STXBP5L: variants seen among roughly 807,000 people sequenced by gnomAD.
The protein encoded by STXBP5L is syntaxin binding protein 5L.
A neutral mutation model predicts 144.5 loss-of-function variants in STXBP5L; 65 were observed. The ratio of observed to expected loss-of-function variants is 0.45; its 90% CI spans 0.37 to 0.55. The LOEUF is 0.55. Ranked by LOEUF, STXBP5L falls within the 20% of genes least tolerant of loss-of-function variation. STXBP5L has a pLI of 0.00. For synonymous variants in STXBP5L, 505 were observed against 469.6 expected (o/e 1.08, Z -0.97); for missense variants, 1,298 against 1,405.5 (o/e 0.92, Z 1.22).
intron 5 of STXBP5L, among the ~76,000 whole-genome samples, chr3:121,073,605 G>C (rs764903618): frequency 6.6e-6 from 1 of 152,250 alleles, no homozygotes; most frequent in Non-Finnish European, 1.5e-5. Context: ...AGGTAAAAAG[G>C]CTTTGTCATG....
At chr3:121,313,617 C>G (rs1166724135) in intron 19 of STXBP5L, among the ~76,000 whole-genome samples, 1 of 99,008 alleles carries the variant, frequency 1.0e-5, no homozygotes, top group African/African-American at 4.0e-5. Flanking sequence ...CCCCCCCCCC[C>G]GCCTCCCTCC....
At chr3:120,960,776 G>T (rs1433307911) in intron 3 of STXBP5L, among the ~76,000 whole-genome samples, 1 of 152,114 alleles carries the variant, frequency 6.6e-6, no homozygotes, top group Non-Finnish European at 1.5e-5. Flanking sequence ...GGGGGCAGGG[G>T]GGAGGGATAG....
At chr3:121,020,060 AATAG>A (rs1330227399) in intron 3 of STXBP5L, among the ~76,000 whole-genome samples, 8 of 152,190 alleles carry the variant, frequency 5.3e-5, no homozygotes, top group African/African-American at 1.7e-4. Context: ...TCGCCAGTGA[AATAG>A]ATAGCATAAA....
chr3:121,343,502 T>C (rs1189166459), intron 20 of STXBP5L, among the ~76,000 whole-genome samples: 1 of 152,114 alleles, frequency 6.6e-6, no homozygotes, highest in African/African-American at 2.4e-5. Context: ...GAAAACCCCA[T>C]TGTCTCAGCC....
chr3:120,941,411 A>C (rs1302473601), intron 2 of STXBP5L, among the ~76,000 whole-genome samples: 2 of 151,778 alleles, frequency 1.3e-5, no homozygotes, highest in African/African-American at 2.4e-5. Flanking sequence ...ACATCCTAGC[A>C]TTATATAATT....
chr3:121,004,586 T>A (rs1056160953), intron 3 of STXBP5L, among the ~76,000 whole-genome samples: 4 of 151,976 alleles, frequency 2.6e-5, no homozygotes, highest in Admixed American at 2.0e-4. Context: ...TCCAACACTA[T>A]GTTGAATAGG....
intron 19 of STXBP5L, among the ~76,000 whole-genome samples, chr3:121,315,323 A>T (rs946650409): frequency 5.9e-4 from 90 of 152,260 alleles, no homozygotes; most frequent in African/African-American, 2.1e-3. Flanking sequence ...GGATGAGTTC[A>T]TGTCCTTTGT....
chr3:121,372,107 G>A (rs2046048760), intron 20 of STXBP5L, among the ~76,000 whole-genome samples: 1 of 152,150 alleles, frequency 6.6e-6, no homozygotes, highest in African/African-American at 2.4e-5. Context: ...TGCAGGCAGG[G>A]GCACTCTGCT....
chr3:121,102,312 A>G (rs2043470473), intron 5 of STXBP5L, among the ~76,000 whole-genome samples: 2 of 152,148 alleles, frequency 1.3e-5, no homozygotes, highest in Admixed American at 1.3e-4. Flanking sequence ...TTCAAACTAT[A>G]CTACTGTAAG....
chr3:121,036,047 T>C (rs1251110988), intron 3 of STXBP5L, among the ~76,000 whole-genome samples: 2 of 152,112 alleles, frequency 1.3e-5, no homozygotes, highest in Non-Finnish European at 2.9e-5. Flanking sequence ...ATTTAAAAAT[T>C]TGGGGGCTGG....
intron 14 of STXBP5L, among the ~76,000 whole-genome samples, chr3:121,248,347 A>C (rs2049923420): frequency 6.6e-6 from 1 of 152,100 alleles, no homozygotes; most frequent in Non-Finnish European, 1.5e-5. Context: ...TACAGGCATG[A>C]GCCACCGTGC....
chr3:121,381,170 G>A, intron 21 of STXBP5L, 123 bp from the exon 22 acceptor site: 6 of 961,326 alleles, frequency 6.2e-6, no homozygotes, highest in Non-Finnish European at 9.0e-6. Context: ...TCCCTCTCAG[G>A]TCAATTAACA....
At chr3:121,102,590 C>G (rs950356350) in intron 5 of STXBP5L, among the ~76,000 whole-genome samples, 1 of 152,100 alleles carries the variant, frequency 6.6e-6, no homozygotes, top group African/African-American at 2.4e-5. Context: ...AGACCTCAAA[C>G]TATAAGAATC....
chr3:121,094,754 A>T (rs560763426), intron 5 of STXBP5L, among the ~76,000 whole-genome samples: 3 of 152,104 alleles, frequency 2.0e-5, no homozygotes, highest in African/African-American at 7.2e-5. Context: ...TTTTAATTGG[A>T]GCATGTAGTC....
At chr3:121,048,688 C>T (rs980003770) in intron 5 of STXBP5L, among the ~76,000 whole-genome samples, 28 of 141,072 alleles carry the variant, frequency 2.0e-4, no homozygotes, top group South Asian at 2.3e-4. Flanking sequence ...CAGTTAGAGT[C>T]TTTTTTTTTT....
At chr3:121,371,648 C>T (rs2046032004) in intron 20 of STXBP5L, among the ~76,000 whole-genome samples, 1 of 152,182 alleles carries the variant, frequency 6.6e-6, no homozygotes, top group African/African-American at 2.4e-5. Context: ...GGACCAGGGG[C>T]CCCTGTAGGC....
intron 8 of STXBP5L, among the ~76,000 whole-genome samples, chr3:121,155,814 C>T (rs1369138791): frequency 6.6e-6 from 1 of 151,880 alleles, no homozygotes; most frequent in Non-Finnish European, 1.5e-5. Flanking sequence ...ATAGTACTGA[C>T]TTACTTTGGC....
chr3:121,266,441 A>G (rs534567919), intron 18 of STXBP5L, among the ~76,000 whole-genome samples: 25 of 152,316 alleles, frequency 1.6e-4, no homozygotes, highest in Non-Finnish European at 2.6e-4. Context: ...CAGGCTAAAA[A>G]CTCTCAATAA....
chr3:121,039,150 C>A (rs1025344842), intron 3 of STXBP5L, among the ~76,000 whole-genome samples: 3 of 151,472 alleles, frequency 2.0e-5, no homozygotes, highest in African/African-American at 7.3e-5. Context: ...TCTTTGTTTT[C>A]TATTTATCTT....
Sources: allele counts gnomAD v4.1 joint callset (sites outside exome capture counted in the v4.1 genomes callset), GRCh38; gene constraint gnomAD v4.1.1; transcripts MANE v1.5; gene names NCBI Gene and HGNC (gene_info 2026-07-23, HGNC 2026-07-21).